Variants in NOL4 observed in about 807,000 individuals in gnomAD.
The protein encoded by NOL4 is cancer/testis antigen 125.
Under a neutral mutation model 75.9 loss-of-function variants are expected in NOL4, and 17 were observed. The observed-to-expected ratio is 0.22, with a 90% CI of 0.15 to 0.34. NOL4 has a LOEUF of 0.34. Among genes scored for constraint, NOL4 ranks in the 10% least tolerant of loss-of-function variants. NOL4 has a pLI of 1.00. For synonymous variants in NOL4, 292 were observed against 289.9 expected (o/e 1.01, Z -0.07); for missense variants, 614 against 793.5 (o/e 0.77, Z 2.72).
chr18:34,092,135 T>C (rs1466232335), intron 5 of NOL4, among the ~76,000 whole-genome samples: 3 of 151,962 alleles, frequency 2.0e-5, no homozygotes, highest in Non-Finnish European at 1.5e-5. Context: ...TGGAGTGATA[T>C]ACATTACTAA....
chr18:34,070,781 TAATA>T (rs2145250656), intron 5 of NOL4, among the ~76,000 whole-genome samples: 1 of 152,194 alleles, frequency 6.6e-6, no homozygotes, highest in South Asian at 2.1e-4. Flanking sequence ...TTGAAAGAAA[TAATA>T]AATACATAGG....
At chr18:34,135,696 T>TGAAAAAAAAAAAAA (rs1568380769) in intron 1 of NOL4, among the ~76,000 whole-genome samples, 1 of 786 alleles carries the variant, frequency 1.3e-3, no homozygotes, top group African/African-American at 4.8e-3. Context: ...AGACTCCATC[T>TGAAAAAAAAAAAAA]CAAAAAAAAA....
intron 5 of NOL4, among the ~76,000 whole-genome samples, chr18:34,058,153 A>G (rs2076907930): frequency 6.6e-6 from 1 of 151,654 alleles, no homozygotes. Context: ...CTTTTTTTTG[A>G]GACAAAATCT....
At position 34,075,743 on chromosome 18, in the gene NOL4, T is replaced by G. The variant is rs529691474; in HGVS notation, c.772+17722A>C. Among the ~76,000 whole-genome samples, 341 of 152,296 alleles carry G rather than the reference T, an allele frequency of 2.2e-3. 2 individuals carry two copies. Among genetic ancestry groups the G allele is most frequent in the African/African-American group, 7.8e-3 (324 of 41,556 alleles). On this transcript the variant is annotated intron_variant, in intron 5 of 10. Coordinates refer to ENST00000261592, the MANE Select transcript of NOL4 (RefSeq NM_003787.5). ...TCTCTTATGTTCCTCTTCCTCCAAT[T>G]TGAAAAGTTTTCACATGGATAACTG...
intron 1 of NOL4, among the ~76,000 whole-genome samples, chr18:34,150,321 A>G (rs77233882): frequency 0.025 from 3,778 of 151,772 alleles, 49 homozygotes; most frequent in African/African-American, 0.028. Flanking sequence ...CATAGGACTA[A>G]CACTACTCAA....
chr18:34,066,852 G>A (rs2077299895), intron 5 of NOL4, among the ~76,000 whole-genome samples: 1 of 151,950 alleles, frequency 6.6e-6, no homozygotes, highest in African/African-American at 2.4e-5. Context: ...AAAGAAGTCA[G>A]GAATTACTAT....
intron 1 of NOL4, among the ~76,000 whole-genome samples, chr18:34,197,829 G>C (rs1478635123): frequency 6.6e-6 from 1 of 151,868 alleles, no homozygotes; most frequent in Non-Finnish European, 1.5e-5. Flanking sequence ...TCAATTACCT[G>C]ATGTGAAAAG....
chr18:34,033,693 T>C (rs961638534), intron 5 of NOL4, among the ~76,000 whole-genome samples: 1 of 151,878 alleles, frequency 6.6e-6, no homozygotes, highest in Non-Finnish European at 1.5e-5. Flanking sequence ...ATATAGGAGG[T>C]TCTGAGATCC....
chr18:34,159,328 A>G (rs975194253), intron 1 of NOL4, among the ~76,000 whole-genome samples: 1 of 152,132 alleles, frequency 6.6e-6, no homozygotes, highest in Non-Finnish European at 1.5e-5. Context: ...AGGAAGGCCA[A>G]GGCTTTTCTC....
At chr18:34,078,705 C>T (rs1209879067) in intron 5 of NOL4, among the ~76,000 whole-genome samples, 1 of 152,138 alleles carries the variant, frequency 6.6e-6, no homozygotes, top group Non-Finnish European at 1.5e-5. Flanking sequence ...CCAGCAAACA[C>T]AGTTTTAAAA....
chr18:33,895,434 T>G (rs2065340693), intron 9 of NOL4, among the ~76,000 whole-genome samples: 2 of 152,126 alleles, frequency 1.3e-5, no homozygotes, highest in South Asian at 4.1e-4. Flanking sequence ...AATGTATTTT[T>G]TATAGGTTGG....
chr18:34,168,781 T>C (rs892730998), intron 1 of NOL4, among the ~76,000 whole-genome samples: 7 of 151,706 alleles, frequency 4.6e-5, no homozygotes, highest in Non-Finnish European at 7.4e-5. Flanking sequence ...AACGGAAACT[T>C]CTAAGATAAT....
chr18:34,161,782 T>C (rs555314826), intron 1 of NOL4, among the ~76,000 whole-genome samples: 2 of 152,282 alleles, frequency 1.3e-5, no homozygotes, highest in East Asian at 1.9e-4. Context: ...AGATTAGATA[T>C]ATGCCTTAAA....
chr18:34,151,584 T>G (rs1360902787), intron 1 of NOL4, among the ~76,000 whole-genome samples: 1 of 151,800 alleles, frequency 6.6e-6, no homozygotes, highest in African/African-American at 2.4e-5. Context: ...GCACAACATA[T>G]ATTTAGGGCA....
intron 5 of NOL4, among the ~76,000 whole-genome samples, chr18:34,044,836 T>C (rs190535908): frequency 2.6e-5 from 4 of 152,182 alleles, no homozygotes; most frequent in African/African-American, 9.6e-5. Context: ...ATGTCTATAA[T>C]GGCACCCATG....
intron 8 of NOL4, among the ~76,000 whole-genome samples, chr18:33,953,885 G>A (rs1213099151): frequency 2.0e-5 from 3 of 152,276 alleles, no homozygotes; most frequent in South Asian, 4.1e-4. Flanking sequence ...ACACGGAACT[G>A]TAGTAACTGC....
chr18:34,085,870 C>G (rs899923817), intron 5 of NOL4, among the ~76,000 whole-genome samples: 2 of 152,058 alleles, frequency 1.3e-5, no homozygotes, highest in Non-Finnish European at 2.9e-5. Context: ...TGATTAAATA[C>G]TTACACATGA....
chr18:34,061,414 C>T (rs2077056907), intron 5 of NOL4, among the ~76,000 whole-genome samples: 1 of 152,100 alleles, frequency 6.6e-6, no homozygotes, highest in Non-Finnish European at 1.5e-5. Context: ...TATTATAATA[C>T]TCATTACTGT....
At chr18:34,213,235 T>C (rs1197136053) in intron 1 of NOL4, among the ~76,000 whole-genome samples, 2 of 152,208 alleles carry the variant, frequency 1.3e-5, no homozygotes, top group African/African-American at 2.4e-5. Context: ...TGTTGAGAAG[T>C]GGAACCTTCA....
Sources: allele counts gnomAD v4.1 joint callset (sites outside exome capture counted in the v4.1 genomes callset), GRCh38; gene constraint gnomAD v4.1.1; transcripts MANE v1.5; gene names NCBI Gene and HGNC (gene_info 2026-07-23, HGNC 2026-07-21).